Variants in NCAM2 observed in about 807,000 individuals in gnomAD.
NCAM2 encodes the protein N-CAM-2.
In NCAM2, 30 loss-of-function variants were observed where a neutral mutation model predicts 98.1. That is an observed-to-expected ratio of 0.31 (90% CI 0.23 to 0.41). The LOEUF (loss-of-function observed/expected upper bound fraction) is 0.41, where lower values mean the gene tolerates loss of function less well. Among genes scored for constraint, NCAM2 ranks in the 10% least tolerant of loss-of-function variants. The pLI is 1.00. For synonymous variants in NCAM2, 368 were observed against 342.4 expected (o/e 1.07, Z -0.83); for missense variants, 867 against 1,005.8 (o/e 0.86, Z 1.87).
At chr21:21,036,595 A>G (rs2037241138) in intron 1 of NCAM2, among the ~76,000 whole-genome samples, 1 of 152,202 alleles carries the variant, frequency 6.6e-6, no homozygotes, top group South Asian at 2.1e-4. Flanking sequence ...GGTTGACACT[A>G]AAATACTCAG....
intron 2 of NCAM2, among the ~76,000 whole-genome samples, chr21:21,283,097 T>C (rs1383692010): frequency 6.6e-6 from 1 of 151,984 alleles, no homozygotes; most frequent in African/African-American, 2.4e-5. Flanking sequence ...GTAACAACTA[T>C]GGTTTTATGA....
intron 1 of NCAM2, among the ~76,000 whole-genome samples, chr21:21,044,890 C>CAGA (rs1260161779): frequency 6.6e-6 from 1 of 151,886 alleles, no homozygotes; most frequent in Non-Finnish European, 1.5e-5. Context: ...CCCTTGAGCC[C>CAGA]AGAGAGAGAC....
chr21:21,287,729 A>G (rs1341450432), intron 4 of NCAM2, among the ~76,000 whole-genome samples: 1 of 151,910 alleles, frequency 6.6e-6, no homozygotes. Flanking sequence ...GGTAGTGGTG[A>G]TGGAGAAGTG....
In NCAM2 at chr21:21,286,528, A is replaced by T. The variant is rs1421096203; in HGVS notation, c.481+116A>T. 7.9e-6 allele frequency: 9 copies of T among 1,139,562 alleles called. No homozygotes were observed. The East Asian group carries it at 2.2e-4, about 28-fold the overall frequency. The allele number at this position is 1,139,562 out of a possible 1,614,324, so 70.6% of individuals were successfully genotyped here. ...GAATTTTTGACCCCAAATATTCAAC[A>T]ACTATTTTGAGAACCTGTAAGCTCT... is the stretch of plus-strand genomic sequence containing the variant. On this transcript the variant is annotated intron_variant, in intron 4 of 17. Transcript: ENST00000400546.
chr21:21,191,810 C>G (rs2068833386), intron 1 of NCAM2, among the ~76,000 whole-genome samples: 1 of 152,192 alleles, frequency 6.6e-6, no homozygotes, highest in Admixed American at 6.5e-5. Context: ...GATGAGGTCA[C>G]TGTCCTTAGG....
At chr21:21,535,858 T>G (rs1989953658) in intron 17 of NCAM2, among the ~76,000 whole-genome samples, 1 of 152,164 alleles carries the variant, frequency 6.6e-6, no homozygotes, top group Admixed American at 6.5e-5. Context: ...ACAGTGATCT[T>G]AAACATATTT....
At chr21:21,024,255 C>T (rs1254679025) in intron 1 of NCAM2, among the ~76,000 whole-genome samples, 2 of 152,178 alleles carry the variant, frequency 1.3e-5, no homozygotes, top group Non-Finnish European at 2.9e-5. Context: ...TTTGTTCTGA[C>T]ACCTACAGGA....
chr21:21,174,221 C>G (rs955284009), intron 1 of NCAM2, among the ~76,000 whole-genome samples: 1 of 152,092 alleles, frequency 6.6e-6, no homozygotes, highest in African/African-American at 2.4e-5. Context: ...CTGCGCCTGG[C>G]CAACAAAACC....
intron 1 of NCAM2, among the ~76,000 whole-genome samples, chr21:21,017,085 T>C (rs9976035): frequency 0.5 from 75,964 of 151,942 alleles, 19,501 homozygotes; most frequent in East Asian, 0.78. Flanking sequence ...GTAAGGAGGC[T>C]TAGGAAAATA....
At chr21:21,369,114 C>G (rs1006179911) in intron 8 of NCAM2, among the ~76,000 whole-genome samples, 1 of 24,850 alleles carries the variant, frequency 4.0e-5, no homozygotes, top group African/African-American at 1.7e-4. Flanking sequence ...AATCTCCTCA[C>G]CACCACCTCC....
chr21:21,474,554 C>A (rs1458235233), intron 14 of NCAM2, among the ~76,000 whole-genome samples: 1 of 151,336 alleles, frequency 6.6e-6, no homozygotes, highest in Non-Finnish European at 1.5e-5. Flanking sequence ...TATTTTCTGG[C>A]TCTTTCACCC....
chr21:21,216,576 A>T (rs2069909220), intron 1 of NCAM2, among the ~76,000 whole-genome samples: 1 of 152,222 alleles, frequency 6.6e-6, no homozygotes, highest in Non-Finnish European at 1.5e-5. Context: ...CCCCAGTAGC[A>T]TTACTGTGAG....
intron 1 of NCAM2, among the ~76,000 whole-genome samples, chr21:21,111,016 GTA>G (rs1470452596): frequency 2.0e-5 from 3 of 152,036 alleles, no homozygotes; most frequent in Non-Finnish European, 4.4e-5. Context: ...TTCAGGAAAA[GTA>G]TATTTGTTGT....
intron 1 of NCAM2, among the ~76,000 whole-genome samples, chr21:21,006,456 C>T (rs1186890832): frequency 1.3e-5 from 2 of 152,122 alleles, no homozygotes; most frequent in East Asian, 3.9e-4. Context: ...CTGCACCAAG[C>T]AGAGATAGCA....
chr21:21,426,428 G>A (rs961058705), intron 11 of NCAM2, among the ~76,000 whole-genome samples: 3 of 152,012 alleles, frequency 2.0e-5, no homozygotes, highest in Non-Finnish European at 2.9e-5. Context: ...AATTGATGAG[G>A]AAATCAAGCA....
At chr21:21,278,301 A>C (rs1298217926) in intron 1 of NCAM2, among the ~76,000 whole-genome samples, 1 of 152,098 alleles carries the variant, frequency 6.6e-6, no homozygotes, top group Non-Finnish European at 1.5e-5. Flanking sequence ...ACATCTCTTC[A>C]GATTCAAGCT....
chr21:21,468,556 A>G, intron 13 of NCAM2, 106 bp from the exon 14 acceptor site: 1 of 1,105,674 alleles, frequency 9.0e-7, no homozygotes, highest in Non-Finnish European at 1.2e-6. Context: ...TAAATCCAGG[A>G]TAACACCATA....
chr21:21,281,629 C>T (rs1361275220), intron 2 of NCAM2, among the ~76,000 whole-genome samples: 1 of 151,836 alleles, frequency 6.6e-6, no homozygotes, highest in African/African-American at 2.4e-5. Flanking sequence ...TATTTAGGTA[C>T]AATATATTCA....
At chr21:21,220,089 A>T (rs2070080382) in intron 1 of NCAM2, among the ~76,000 whole-genome samples, 1 of 152,154 alleles carries the variant, frequency 6.6e-6, no homozygotes, top group Non-Finnish European at 1.5e-5. Flanking sequence ...AAGTAAAAAA[A>T]GTTGCAGTAA....
Sources: allele counts gnomAD v4.1 joint callset (sites outside exome capture counted in the v4.1 genomes callset), GRCh38; gene constraint gnomAD v4.1.1; transcripts MANE v1.5; gene names NCBI Gene and HGNC (gene_info 2026-07-23, HGNC 2026-07-21).